SLC7A14: variants seen among roughly 807,000 people sequenced by gnomAD.
The protein encoded by SLC7A14 is gamma-aminobutyric acid transporter SLC7A14.
Under a neutral mutation model 60.2 loss-of-function variants are expected in SLC7A14, and 37 were observed. The observed-to-expected ratio is 0.61, with a 90% CI of 0.47 to 0.81. The LOEUF (loss-of-function observed/expected upper bound fraction) is 0.81. SLC7A14 is among the 30% of genes least tolerant of loss of function. The pLI, the probability that SLC7A14 is intolerant of heterozygous loss-of-function variation, is 0.00. For missense variants in SLC7A14, 886 were observed against 982.7 expected, an observed-to-expected ratio of 0.90 and a Z score of 1.32; for synonymous variants, 399 against 395.8, an observed-to-expected ratio of 1.01 and a Z score of -0.10.
Position 170,465,940 on chromosome 3 carries a change from A to G in SLC7A14, c.*1115T>C, listed in dbSNP as rs1248674758. The stretch of plus-strand genomic sequence containing the variant: ...GAAACTACTCTGGGAAATAACAGGA[A>G]AAAAAAATACACCTCTGAAAGTGAG... On this transcript the variant is annotated 3_prime_UTR_variant, in exon 8 of 8. Transcript: ENST00000231706. 1 of 152,002 alleles carries G rather than the reference A, an allele frequency of 6.6e-6. No individual in the cohort carries two copies. The highest frequency in any genetic ancestry group is 2.4e-5 in the African/African-American group (1 of 41,388). 9.4% of individuals were successfully genotyped at this position (152,002 alleles called of 1,614,324 possible). A position where few individuals can be genotyped will look rare whatever the true frequency, so the allele number is the denominator to read the frequency against.
intron 1 of SLC7A14, among the ~76,000 whole-genome samples, chr3:170,569,666 T>A (rs1431717527): frequency 6.6e-6 from 1 of 152,172 alleles, no homozygotes; most frequent in Non-Finnish European, 1.5e-5. Context: ...GGTAAGCTAT[T>A]GATTATTGCC....
At chr3:170,584,064 T>G (rs1715307856) in intron 1 of SLC7A14, among the ~76,000 whole-genome samples, 1 of 152,214 alleles carries the variant, frequency 6.6e-6, no homozygotes, top group Non-Finnish European at 1.5e-5. Context: ...AAGTTTCTGT[T>G]TCCTTCTCTG....
chr3:170,544,350 A>C (rs111962158), intron 1 of SLC7A14, among the ~76,000 whole-genome samples: 3,439 of 152,250 alleles, frequency 0.023, 114 homozygotes, highest in African/African-American at 0.077. Flanking sequence ...ACACACACAG[A>C]CACACACACA....
chr3:170,507,605 C>T (rs1712822927), intron 2 of SLC7A14, among the ~76,000 whole-genome samples: 1 of 151,980 alleles, frequency 6.6e-6, no homozygotes, highest in African/African-American at 2.4e-5. Context: ...AGGCTACTTT[C>T]GAGATTGTGG....
At chr3:170,582,465 G>A (rs1444596754) in intron 1 of SLC7A14, among the ~76,000 whole-genome samples, 1 of 152,094 alleles carries the variant, frequency 6.6e-6, no homozygotes, top group East Asian at 1.9e-4. Context: ...ATTATAAATA[G>A]TTACATGTGG....
In SLC7A14 at chr3:170,564,422, T is replaced by C. The variant is rs373657513; in HGVS notation, c.-153+21489A>G. Among the ~76,000 whole-genome samples, 23 of 152,348 alleles carry C rather than the reference T, an allele frequency of 1.5e-4. No individual in the cohort carries two copies. In the South Asian group the frequency reaches 3.9e-3, roughly 26 times the overall value. ...AATTGGATCTGACACTGTCATTTCA[T>C]AGACAAAGAAACTGAAACCCAAAAG... On this transcript the variant is annotated intron_variant, in intron 1 of 7. Coordinates refer to ENST00000231706, the MANE Select transcript of SLC7A14 (RefSeq NM_020949.3).
At chr3:170,560,445 C>A (rs1230183154) in intron 1 of SLC7A14, among the ~76,000 whole-genome samples, 1 of 152,028 alleles carries the variant, frequency 6.6e-6, no homozygotes, top group Non-Finnish European at 1.5e-5. Flanking sequence ...TGGTTAGGAG[C>A]AAGCAACTCA....
chr3:170,525,034 T>C lies in SLC7A14; in HGVS notation c.304+1599A>G, dbSNP rs540127921. 6.6e-5 allele frequency among the ~76,000 whole-genome samples: 10 copies of C among 152,364 alleles called. No individual in the cohort carries two copies. In the East Asian group the frequency reaches 1.9e-3, roughly 29 times the overall value. On this transcript the variant is annotated intron_variant, in intron 2 of 7. Transcript: ENST00000231706. ...ATTTATTCTACACGTATGATATTAATGTAATGCTTTTCTTATGATAGCACG... is the reference window on the plus strand; with the variant it reads ...ATTTATTCTACACGTATGATATTAACGTAATGCTTTTCTTATGATAGCACG...
At chr3:170,577,928 A>AT (rs771148523) in intron 1 of SLC7A14, among the ~76,000 whole-genome samples, 1 of 152,204 alleles carries the variant, frequency 6.6e-6, no homozygotes, top group African/African-American at 2.4e-5. Flanking sequence ...GAAGAAAACG[A>AT]TTTTCACAAC....
intron 1 of SLC7A14, among the ~76,000 whole-genome samples, chr3:170,583,937 T>C (rs893001093): frequency 7.2e-5 from 11 of 152,108 alleles, no homozygotes; most frequent in Admixed American, 6.5e-4. Flanking sequence ...TCCTTTGTCA[T>C]TCTCCTGCTA....
At chr3:170,517,588 A>C (rs911666185) in intron 2 of SLC7A14, among the ~76,000 whole-genome samples, 8 of 152,230 alleles carry the variant, frequency 5.3e-5, no homozygotes, top group African/African-American at 1.9e-4. Flanking sequence ...GACTATATAG[A>C]CTGAGTCTTT....
intron 3 of SLC7A14, 31 bp from the exon 4 acceptor site, chr3:170,498,915 C>T (rs1349705438): frequency 1.9e-6 from 3 of 1,609,616 alleles, no homozygotes; most frequent in Non-Finnish European, 2.5e-6. Flanking sequence ...TTGACATTGT[C>T]TGGAGGGAAG....
rs553633022 is a variant in SLC7A14 at position 170,468,036 on chromosome 3, C to G, written c.1994-659G>C. Among the ~76,000 whole-genome samples, 3 of 152,246 alleles carry G rather than the reference C, an allele frequency of 2.0e-5. No homozygotes were observed. In the South Asian group the frequency reaches 6.2e-4, roughly 32 times the overall value. On this transcript the variant is annotated intron_variant, in intron 7 of 7. Coordinates refer to ENST00000231706, the MANE Select transcript of SLC7A14 (RefSeq NM_020949.3). Reference sequence around the variant, plus strand: ...TGTCTAGTGCATGCTACTATTATGTCCCTTAGAACATCTGTTGTGTGATTA... The same window carrying G: ...TGTCTAGTGCATGCTACTATTATGTGCCTTAGAACATCTGTTGTGTGATTA...
At chr3:170,478,190 G>T (rs1711690634) in intron 7 of SLC7A14, among the ~76,000 whole-genome samples, 1 of 152,070 alleles carries the variant, frequency 6.6e-6, no homozygotes, top group African/African-American at 2.4e-5. Context: ...CAATTTTCCT[G>T]TCTCATCCTC....
intron 2 of SLC7A14, among the ~76,000 whole-genome samples, chr3:170,512,675 T>C (rs1163038978): frequency 1.6e-5 from 2 of 122,800 alleles, no homozygotes; most frequent in Non-Finnish European, 3.4e-5. Flanking sequence ...TTTTTTTTTT[T>C]TTTTTTGAGA....
intron 7 of SLC7A14, among the ~76,000 whole-genome samples, chr3:170,477,110 C>T (rs932868184): frequency 2.0e-5 from 3 of 152,212 alleles, no homozygotes; most frequent in Non-Finnish European, 2.9e-5. Flanking sequence ...TAGGCTCTAT[C>T]GAACGTTCTA....
chr3:170,553,573 A>C (rs1474082865), intron 1 of SLC7A14, among the ~76,000 whole-genome samples: 3 of 152,258 alleles, frequency 2.0e-5, no homozygotes, highest in Admixed American at 1.3e-4. Flanking sequence ...AAGGAAAGAG[A>C]CAGTTTAAAA....
chr3:170,494,402 A>G (rs1712316895), intron 4 of SLC7A14, among the ~76,000 whole-genome samples: 1 of 152,254 alleles, frequency 6.6e-6, no homozygotes, highest in Non-Finnish European at 1.5e-5. Context: ...GGGGAACCCC[A>G]AGGCTGGCAT....
intron 4 of SLC7A14, chr3:170,496,177 A>G: frequency 1.1e-6 from 1 of 906,838 alleles, no homozygotes; most frequent in East Asian, 2.4e-5. Context: ...CTGTCCATGG[A>G]CAACAGCCTC....
Sources: gnomAD v4.1 joint callset for allele counts (sites outside exome capture counted in the v4.1 genomes callset) on GRCh38, gnomAD v4.1.1 for gene constraint, MANE v1.5 for transcripts, NCBI Gene and HGNC (gene_info 2026-07-23, HGNC 2026-07-21) for gene names.